Variants in RALYL observed in about 807,000 individuals in gnomAD.
RALYL encodes the protein RALY RNA binding protein like, also known as RNA-binding Raly-like protein.
In RALYL, 29 loss-of-function variants were observed where a neutral mutation model predicts 35.1. The ratio of observed to expected loss-of-function variants is 0.83; its 90% CI spans 0.61 to 1.13. The LOEUF is 1.13. Ranked by LOEUF, RALYL falls within the 50% of genes most tolerant of loss-of-function variation. The probability of loss-of-function intolerance (pLI) is 0.00; values close to 1 mark genes in which losing one functional copy is unlikely to be tolerated. For missense variants in RALYL, 359 were observed against 360.4 expected (o/e 1.00, Z 0.03); for synonymous variants, 120 against 127.6 (o/e 0.94, Z 0.40).
At chr8:84,804,409 TACA>T (rs1300880167) in intron 3 of RALYL, among the ~76,000 whole-genome samples, 2 of 152,182 alleles carry the variant, frequency 1.3e-5, no homozygotes, top group Non-Finnish European at 2.9e-5. Context: ...ATTTCACTAT[TACA>T]ACAACCACAA....
chr8:84,914,827 G>A (rs1848184960), intron 8 of RALYL, among the ~76,000 whole-genome samples: 1 of 151,974 alleles, frequency 6.6e-6, no homozygotes. Context: ...AAAAATCCTA[G>A]TATGTTTCCA....
chr8:84,499,061 GTAACATA>G (rs1055848827), intron 1 of RALYL, among the ~76,000 whole-genome samples: 2 of 150,534 alleles, frequency 1.3e-5, no homozygotes, highest in Admixed American at 1.3e-4. Context: ...AAAGGTGAAT[GTAACATA>G]TAAAGACTAT....
intron 4 of RALYL, among the ~76,000 whole-genome samples, chr8:84,818,583 T>C (rs1827857185): frequency 6.6e-6 from 1 of 152,284 alleles, no homozygotes; most frequent in South Asian, 2.1e-4. Flanking sequence ...AAAGATAAGA[T>C]TGGCAAATTC....
intron 1 of RALYL, among the ~76,000 whole-genome samples, chr8:84,519,287 A>G (rs2058289000): frequency 6.6e-6 from 1 of 152,238 alleles, no homozygotes; most frequent in Admixed American, 6.5e-5. Context: ...TAATTTAAGA[A>G]AAATGATAAC....
chr8:84,561,937 AT>A (rs2135595823), intron 2 of RALYL, among the ~76,000 whole-genome samples: 1 of 152,156 alleles, frequency 6.6e-6, no homozygotes, highest in South Asian at 2.1e-4. Flanking sequence ...ACTAAAGCCG[AT>A]ATATCTAAGA....
intron 2 of RALYL, among the ~76,000 whole-genome samples, chr8:84,628,046 A>T (rs1389159418): frequency 2.0e-5 from 3 of 152,128 alleles, no homozygotes; most frequent in Admixed American, 1.3e-4. Context: ...TTTTAAAAAT[A>T]TAAATACAAC....
intron 2 of RALYL, among the ~76,000 whole-genome samples, chr8:84,712,932 T>C (rs1842420597): frequency 1.3e-5 from 2 of 152,162 alleles, no homozygotes; most frequent in South Asian, 4.1e-4. Context: ...ACTCTGTTGA[T>C]TATTTTTCTT....
At chr8:84,269,638 G>A (rs1778468423) in intron 1 of RALYL, among the ~76,000 whole-genome samples, 2 of 151,832 alleles carry the variant, frequency 1.3e-5, no homozygotes, top group South Asian at 2.2e-4. Context: ...AAATATCAAA[G>A]TGGCTTCAGT....
At chr8:84,193,343 G>C (rs1430787198) in intron 1 of RALYL, among the ~76,000 whole-genome samples, 1 of 152,132 alleles carries the variant, frequency 6.6e-6, no homozygotes, top group African/African-American at 2.4e-5. Flanking sequence ...AATTTTTCAG[G>C]GTCAATTTCA....
rs573262952 is a variant in RALYL at position 84,298,752 on chromosome 8, T to G, written c.-24+114328T>G. Reference sequence around the variant, plus strand: ...TTATTTCAGCACAGTTTTGTAGTTCTCCTTGTAGAGATCTTTCGCCTCCCT... The same window carrying G: ...TTATTTCAGCACAGTTTTGTAGTTCGCCTTGTAGAGATCTTTCGCCTCCCT... On this transcript the variant is annotated intron_variant, in intron 1 of 8. Coordinates refer to ENST00000521268, the MANE Select transcript of RALYL (RefSeq NM_173848.7). Among the ~76,000 whole-genome samples the G allele has an allele frequency of 3.3e-5, 5 of 152,210 alleles. No individual in the cohort carries two copies. In the South Asian group the frequency reaches 1.0e-3, roughly 32 times the overall value.
intron 1 of RALYL, among the ~76,000 whole-genome samples, chr8:84,370,509 A>C (rs1205023132): frequency 1.3e-5 from 2 of 151,926 alleles, no homozygotes; most frequent in Non-Finnish European, 2.9e-5. Context: ...TAAACTAATC[A>C]TGAGTCTGTT....
At chr8:84,783,607 T>G (rs1442741336) in intron 3 of RALYL, among the ~76,000 whole-genome samples, 2 of 152,060 alleles carry the variant, frequency 1.3e-5, no homozygotes, top group Non-Finnish European at 2.9e-5. Context: ...TGAAAGGAGG[T>G]AGTTCTGCAA....
intron 6 of RALYL, among the ~76,000 whole-genome samples, chr8:84,863,490 T>A (rs1309246145): frequency 6.6e-6 from 1 of 152,190 alleles, no homozygotes; most frequent in Non-Finnish European, 1.5e-5. Flanking sequence ...GACTTGGATT[T>A]ACTCTGCATC....
At chr8:84,483,892 TTC>T (rs2054314547) in intron 1 of RALYL, among the ~76,000 whole-genome samples, 1 of 152,184 alleles carries the variant, frequency 6.6e-6, no homozygotes, top group Non-Finnish European at 1.5e-5. Flanking sequence ...ACATTCTCTG[TTC>T]TGTTTTAATA....
intron 1 of RALYL, among the ~76,000 whole-genome samples, chr8:84,413,713 T>C (rs1385315435): frequency 6.6e-6 from 1 of 152,078 alleles, no homozygotes; most frequent in African/African-American, 2.4e-5. Context: ...AAAGGATAAA[T>C]CCATAACATT....
chr8:84,793,844 CA>C (rs1821338953), intron 3 of RALYL, among the ~76,000 whole-genome samples: 4 of 152,074 alleles, frequency 2.6e-5, no homozygotes, highest in Admixed American at 2.0e-4. Flanking sequence ...GTTACCAAAA[CA>C]AAAACTCAGA....
intron 1 of RALYL, among the ~76,000 whole-genome samples, chr8:84,295,109 A>G (rs371183305): frequency 1.9e-4 from 29 of 152,146 alleles, no homozygotes; most frequent in African/African-American, 5.1e-4. Context: ...AGAGAATGCA[A>G]TCTCACAAAG....
intron 8 of RALYL, among the ~76,000 whole-genome samples, chr8:84,920,021 T>G (rs1193528090): frequency 6.6e-6 from 1 of 152,110 alleles, no homozygotes; most frequent in Non-Finnish European, 1.5e-5. Context: ...AATCTTTGTA[T>G]CATGGACTTC....
chr8:84,699,648 T>A (rs1296199420), intron 2 of RALYL, among the ~76,000 whole-genome samples: 3 of 152,068 alleles, frequency 2.0e-5, no homozygotes. Context: ...TTTAAATACA[T>A]CACAGGAGGG....
Sources: allele counts gnomAD v4.1 joint callset (sites outside exome capture counted in the v4.1 genomes callset), GRCh38; gene constraint gnomAD v4.1.1; transcripts MANE v1.5; gene names NCBI Gene and HGNC (gene_info 2026-07-23, HGNC 2026-07-21).